NFATC1: variants seen among roughly 807,000 people sequenced by gnomAD.
The protein encoded by NFATC1 is nuclear factor of activated T-cells, cytoplasmic 1.
NFATC1 carries 22 observed loss-of-function variants against 76.0 expected under a neutral mutation model. The observed-to-expected ratio is 0.29, with a 90% confidence interval of 0.21 to 0.41. The LOEUF is 0.41. Among genes scored for constraint, NFATC1 ranks in the 10% least tolerant of loss-of-function variants. The pLI, the probability that NFATC1 is intolerant of heterozygous loss-of-function variation, is 1.00. For synonymous variants in NFATC1, 704 were observed against 613.1 expected (o/e 1.15, Z -2.19); for missense variants, 1,357 against 1,337.7 (o/e 1.01, Z -0.23).
At chr18:79,424,471 C>G (rs1420641649) in intron 2 of NFATC1, among the ~76,000 whole-genome samples, 1 of 138,950 alleles carries the variant, frequency 7.2e-6, no homozygotes, top group East Asian at 2.1e-4. Context: ...GATCGTCTCT[C>G]TCTCTCTTTG....
rs955848035 is a variant in NFATC1, at chr18:79,481,335, C to T, written c.2093-4913C>T. 2.0e-5 allele frequency among the ~76,000 whole-genome samples: 3 copies of T among 152,388 alleles called. No homozygotes were observed. The East Asian group carries it at 5.8e-4, about 29-fold the overall frequency. ...CTCCAGCTCTGTAGTCTCCAGACAG[C>T]GGTTAGAGCCCCACCCTCCACGGAC... is the stretch of plus-strand genomic sequence containing the variant. On this transcript the variant is annotated intron_variant, in intron 8 of 9. Coordinates refer to ENST00000427363, the MANE Select transcript of NFATC1 (RefSeq NM_001278669.2).
rs966208113 is a variant in NFATC1, at chr18:79,528,543, C to T, written c.*966C>T. The T allele has an allele frequency of 2.6e-5, 4 of 152,234 alleles. No individual in the cohort carries two copies. Among genetic ancestry groups the T allele is most frequent in the African/African-American group, 4.8e-5 (2 of 41,456 alleles). The allele number at this position is 152,234 out of a possible 1,614,324, so 9.4% of individuals were successfully genotyped here. A position where few individuals can be genotyped will look rare whatever the true frequency, so the allele number is the denominator to read the frequency against. The stretch of plus-strand genomic sequence containing the variant: ...CGCCTCGGACGGCCGTGCATTTTCT[C>T]GTCTCACGCAGTTCGAGGAGGACCC... On this transcript the variant is annotated 3_prime_UTR_variant, in exon 10 of 10. Coordinates refer to ENST00000427363, the MANE Select transcript of NFATC1 (RefSeq NM_001278669.2).
chr18:79,469,825 C>T, intron 8 of NFATC1: 1 of 985,516 alleles, frequency 1.0e-6, no homozygotes, highest in Non-Finnish European at 1.2e-6. Flanking sequence ...CCCACCAGCC[C>T]CCAGGGGCTC....
chr18:79,488,109 C>T (rs2089567366), intron 9 of NFATC1, among the ~76,000 whole-genome samples: 1 of 152,228 alleles, frequency 6.6e-6, no homozygotes. Context: ...GCGTCAGGAG[C>T]TCAGTTTCCC....
rs560385670 is a variant in NFATC1 at position 79,400,567 on chromosome 18, C to G, written c.127+4216C>G. On this transcript the variant is annotated intron_variant, in intron 1 of 9. Coordinates refer to ENST00000427363, the MANE Select transcript of NFATC1 (RefSeq NM_001278669.2). ...CCCCCTCCGCGTCCTCGTCGCTCCC[C>G]GGGGACCCCAGGAGTCCCCGGCGCG... 3.2e-4 allele frequency: 379 copies of G among 1,198,438 alleles called. 1 individual carries two copies. The East Asian group carries it at 0.012, about 37-fold the overall frequency. 74.2% of individuals were successfully genotyped at this position (1,198,438 alleles called of 1,614,324 possible).
Position 79,400,685 on chromosome 18 carries a change from G to T in NFATC1, c.127+4334G>T, listed in dbSNP as rs2085176376. Reference sequence around the variant, plus strand: ...TCCGAGCGCTCGCGGCGGGGTCCTGGGGGAAGAGCGCAGCCCGGACACGGG... The same window carrying T: ...TCCGAGCGCTCGCGGCGGGGTCCTGTGGGAAGAGCGCAGCCCGGACACGGG... On this transcript the variant is annotated intron_variant, in intron 1 of 9. Transcript: ENST00000427363. Among the ~76,000 whole-genome samples, 4 of 60,822 alleles carry T rather than the reference G, an allele frequency of 6.6e-5. No individual in the cohort carries two copies. The South Asian group carries it at 1.2e-3, about 18-fold the overall frequency. The allele number at this position is 60,822 out of a possible 152,430, so 39.9% of individuals were successfully genotyped here.
chr18:79,502,685 G>T (rs2090039202), intron 9 of NFATC1, among the ~76,000 whole-genome samples: 1 of 152,116 alleles, frequency 6.6e-6, no homozygotes, highest in Admixed American at 6.6e-5. Flanking sequence ...CATTTCTCCA[G>T]ACAAGACATA....
chr18:79,436,181 T>A (rs2086768052), intron 3 of NFATC1, among the ~76,000 whole-genome samples: 2 of 152,202 alleles, frequency 1.3e-5, no homozygotes, highest in South Asian at 4.1e-4. Context: ...TTTTAGTACA[T>A]CCTTTGACGC....
chr18:79,484,855 G>A (rs1033152806), intron 8 of NFATC1, among the ~76,000 whole-genome samples: 16 of 152,158 alleles, frequency 1.1e-4, no homozygotes, highest in African/African-American at 3.4e-4. Flanking sequence ...TGCGGGGGGG[G>A]AAGAGGGCGG....
At chr18:79,458,538 G>A (rs2087871448) in intron 6 of NFATC1, among the ~76,000 whole-genome samples, 8 of 152,244 alleles carry the variant, frequency 5.3e-5, no homozygotes, top group Admixed American at 5.2e-4. Context: ...TGCCTGTGTG[G>A]AAACCTCGCG....
At chr18:79,484,120 C>T (rs753548546) in intron 8 of NFATC1, among the ~76,000 whole-genome samples, 1 of 151,888 alleles carries the variant, frequency 6.6e-6, no homozygotes, top group Non-Finnish European at 1.5e-5. Context: ...GCTGACGAGG[C>T]GGGGGGAGCA....
In NFATC1 at chr18:79,433,947, CGTT is replaced by C. The variant is rs534296344; in HGVS notation, c.1386+213_1386+215del. Among the ~76,000 whole-genome samples, 23 of 152,376 alleles carry C rather than the reference CGTT, an allele frequency of 1.5e-4. No homozygotes were observed. The South Asian group carries it at 3.5e-3, about 23-fold the overall frequency. On this transcript the variant is annotated intron_variant, in intron 3 of 9. Transcript: ENST00000427363. ...GCTTCCACACGTGCAGGCCCTCTCT[CGTT>C]GTTTTCAGATTTGCCCGAAGCAGCT... is the stretch of plus-strand genomic sequence containing the variant.
intron 2 of NFATC1, among the ~76,000 whole-genome samples, chr18:79,431,086 C>T (rs561767985): frequency 1.3e-5 from 2 of 152,314 alleles, no homozygotes; most frequent in South Asian, 4.1e-4. Context: ...GGGAAGCTGT[C>T]GTGGCTGAGT....
intron 9 of NFATC1, among the ~76,000 whole-genome samples, chr18:79,501,912 T>C: frequency 6.6e-6 from 1 of 152,188 alleles, no homozygotes; most frequent in Admixed American, 6.5e-5. Context: ...AGAATCAATA[T>C]TGTGAAGATG....
chr18:79,474,222 C>T lies in NFATC1; in HGVS notation c.2092+6640C>T, dbSNP rs1452472453. ...AGCGTGTTCTCATGCTCACTGTCGA[C>T]GTAAACCTGAGGGAAGCGTGTTCTC... On this transcript the variant is annotated intron_variant, in intron 8 of 9. Coordinates refer to ENST00000427363, the MANE Select transcript of NFATC1 (RefSeq NM_001278669.2). Among the ~76,000 whole-genome samples, 281 of 77,898 alleles carry T rather than the reference C, an allele frequency of 3.6e-3. 38 individuals are homozygous for T. Among genetic ancestry groups the T allele is most frequent in the Non-Finnish European group, 5.8e-3 (241 of 41,240 alleles). 51.1% of individuals were successfully genotyped at this position (77,898 alleles called of 152,430 possible).
chr18:79,412,083 C>T (rs1488215433), intron 2 of NFATC1, among the ~76,000 whole-genome samples: 4 of 152,262 alleles, frequency 2.6e-5, no homozygotes, highest in South Asian at 2.1e-4. Context: ...TCCCCAGAGA[C>T]GCCGGCTGTG....
chr18:79,410,714 A>G lies in NFATC1; in HGVS notation c.439A>G (p.Ser147Gly). 4 of 1,612,864 alleles carry G rather than the reference A, an allele frequency of 2.5e-6. No homozygotes were observed. The highest frequency in any genetic ancestry group is 3.4e-6 in the Non-Finnish European group (4 of 1,179,990). Residue 147 changes from serine (S) to glycine (G), a missense_variant, in exon 2 of 10, where the codon AGC becomes GGC. Physicochemically the swap from Ser to Gly is moderately conservative, Grantham distance 56. This residue lies in a region of NFATC1 where 691 missense variants were observed against 613.1 expected (regional missense o/e 1.13). Coordinates refer to ENST00000427363, the MANE Select transcript of NFATC1 (RefSeq NM_001278669.2). This position sits in a 1 kb window ranked among gnomAD's most constrained non-coding sequence, Gnocchi z 6.7. Reference sequence around the variant, plus strand: ...TGTGGAGGTGGAAGACGTCCTCCCTAGCTCCAAACGGTCCCCCTCCACGGC... The same window carrying G: ...TGTGGAGGTGGAAGACGTCCTCCCTGGCTCCAAACGGTCCCCCTCCACGGC... ...HDVEVEDVLP[S>G]SKRSPSTATL...
intron 9 of NFATC1, chr18:79,523,941 T>TA (rs1299776706): frequency 2.0e-5 from 3 of 152,200 alleles, no homozygotes; most frequent in Non-Finnish European, 4.4e-5. Context: ...GGTCACATGC[T>TA]ACCTGCAATT....
chr18:79,421,200 C>T (rs4799054), intron 2 of NFATC1: 5,431 of 152,386 alleles, frequency 0.036, 173 homozygotes, highest in Admixed American at 0.093. Flanking sequence ...TGCCTTTGTC[C>T]CCTCTGACCC....
Sources: gnomAD v4.1 joint callset for allele counts (sites outside exome capture counted in the v4.1 genomes callset) on GRCh38, gnomAD v4.1.1 for gene constraint, gnomAD v4.1.1 regional missense constraint, Gnocchi (gnomAD v3.1) non-coding constraint, MANE v1.5 for transcripts, NCBI Gene and HGNC (gene_info 2026-07-23, HGNC 2026-07-21) for gene names.